FGGY: variants seen among roughly 807,000 people sequenced by gnomAD.
The protein encoded by FGGY is FGGY carbohydrate kinase domain containing.
Under a neutral mutation model 71.3 loss-of-function variants are expected in FGGY, and 72 were observed. The ratio of observed to expected loss-of-function variants is 1.01; its 90% CI spans 0.84 to 1.23. The LOEUF is 1.23. Ranked by LOEUF, FGGY falls within the 50% of genes most tolerant of loss-of-function variation. The pLI is 0.00. For synonymous variants in FGGY, 251 were observed against 250.3 expected, an observed-to-expected ratio of 1.00 and a Z score of -0.02; for missense variants, 668 against 682.3, an observed-to-expected ratio of 0.98 and a Z score of 0.23.
intron 13 of FGGY, among the ~76,000 whole-genome samples, chr1:59,672,328 G>A (rs1054764014): frequency 2.0e-5 from 3 of 152,206 alleles, no homozygotes; most frequent in African/African-American, 7.2e-5. Flanking sequence ...TTTCTCCAGG[G>A]CTTACTGTAG....
At chr1:59,660,507 G>C (rs1476135174) in intron 12 of FGGY, 1 of 399,402 alleles carries the variant, frequency 2.5e-6, no homozygotes, top group Non-Finnish European at 4.5e-6. Flanking sequence ...AAGCTGAAAG[G>C]AGTTAAAATC....
chr1:59,435,574 C>T (rs1332233591), intron 5 of FGGY, among the ~76,000 whole-genome samples: 1 of 152,142 alleles, frequency 6.6e-6, no homozygotes, highest in East Asian at 1.9e-4. Flanking sequence ...TGCAGCCACT[C>T]TCCCCTTTGC....
intron 6 of FGGY, among the ~76,000 whole-genome samples, chr1:59,510,938 A>G (rs1302760142): frequency 6.6e-6 from 1 of 152,228 alleles, no homozygotes; most frequent in African/African-American, 2.4e-5. Context: ...ATTTAATATC[A>G]GTTTTTAAGT....
chr1:59,757,522 AT>A (rs1191027080), intron 14 of FGGY, among the ~76,000 whole-genome samples: 1 of 152,144 alleles, frequency 6.6e-6, no homozygotes, highest in African/African-American at 2.4e-5. Context: ...CCATTCCGTG[AT>A]TGCTATCTTT....
intron 14 of FGGY, among the ~76,000 whole-genome samples, chr1:59,713,786 G>T (rs2097820222): frequency 1.3e-5 from 2 of 152,130 alleles, no homozygotes; most frequent in South Asian, 4.1e-4. Context: ...CCACATGTGG[G>T]GCTGGAACCT....
intron 2 of FGGY, among the ~76,000 whole-genome samples, chr1:59,327,319 A>G (rs985253132): frequency 5.3e-5 from 8 of 152,328 alleles, no homozygotes; most frequent in African/African-American, 1.9e-4. Flanking sequence ...TCATTTCAAC[A>G]TTGTTCATAT....
chr1:59,504,994 C>T (rs2094340130), intron 6 of FGGY, among the ~76,000 whole-genome samples: 1 of 152,102 alleles, frequency 6.6e-6, no homozygotes, highest in Admixed American at 6.5e-5. Context: ...GAACTATTCT[C>T]TGTCTAGTGG....
chr1:59,692,026 C>T (rs1396594358), intron 14 of FGGY, among the ~76,000 whole-genome samples: 1 of 152,016 alleles, frequency 6.6e-6, no homozygotes, highest in African/African-American at 2.4e-5. Flanking sequence ...CAAGGTACAA[C>T]GATAAGAAAA....
At chr1:59,458,285 T>A (rs1323084976) in intron 6 of FGGY, among the ~76,000 whole-genome samples, 1 of 152,224 alleles carries the variant, frequency 6.6e-6, no homozygotes, top group Non-Finnish European at 1.5e-5. Context: ...CTCACTAGAC[T>A]GTGAGCTGTT....
rs113774887 is a variant in FGGY, at chr1:59,311,198, G to A, written c.-14-10338G>A. Reference sequence around the variant, plus strand: ...AGTGTGGAAAGCCAAGTCATTTCAGGGATGGTAGAAAGAGTTCAGCTCTGG... The same window carrying A: ...AGTGTGGAAAGCCAAGTCATTTCAGAGATGGTAGAAAGAGTTCAGCTCTGG... On this transcript the variant is annotated intron_variant, in intron 1 of 15. Coordinates refer to ENST00000303721, the MANE Select transcript of FGGY (RefSeq NM_018291.5). 2.2e-3 allele frequency among the ~76,000 whole-genome samples: 334 copies of A among 152,112 alleles called. 1 individual carries two copies. Among genetic ancestry groups the A allele is most frequent in the African/African-American group, 7.8e-3 (323 of 41,496 alleles).
At chr1:59,412,340 A>G (rs1467597649) in intron 5 of FGGY, among the ~76,000 whole-genome samples, 1 of 152,140 alleles carries the variant, frequency 6.6e-6, no homozygotes, top group Non-Finnish European at 1.5e-5. Context: ...GTTCTGAGAT[A>G]CAGTTCATGT....
intron 8 of FGGY, among the ~76,000 whole-genome samples, chr1:59,568,559 G>A (rs74523843): frequency 0.015 from 2,336 of 152,134 alleles, 68 homozygotes; most frequent in African/African-American, 0.054. Context: ...AGGTAGAGCT[G>A]AGGTTGAACC....
intron 14 of FGGY, chr1:59,755,386 C>T (rs1260302725): frequency 1.3e-5 from 2 of 152,146 alleles, no homozygotes; most frequent in African/African-American, 4.8e-5. Context: ...AAGGCGCTCA[C>T]AGTCTAGTTG....
Position 59,608,434 on chromosome 1 carries a change from T to C in FGGY, c.1011+524T>C, listed in dbSNP as rs2153817585. Among the ~76,000 whole-genome samples the C allele has an allele frequency of 2.6e-5, 4 of 152,278 alleles. No individual in the cohort carries two copies. The Middle Eastern group carries it at 0.01, about 388-fold the overall frequency. The stretch of plus-strand genomic sequence containing the variant: ...CCTGCTTGGGGAGTTCTTTACCACC[T>C]CAATAATTTTACTTGTCCTTTAAGA... On this transcript the variant is annotated intron_variant, in intron 9 of 15. Coordinates refer to ENST00000303721, the MANE Select transcript of FGGY (RefSeq NM_018291.5).
chr1:59,734,127 C>T (rs2098076693), intron 14 of FGGY, among the ~76,000 whole-genome samples: 1 of 152,210 alleles, frequency 6.6e-6, no homozygotes, highest in Non-Finnish European at 1.5e-5. Flanking sequence ...TTTCTCATTC[C>T]TCAAGTATCA....
At chr1:59,378,125 A>G (rs28733385) in intron 4 of FGGY, among the ~76,000 whole-genome samples, 15,367 of 152,062 alleles carry the variant, frequency 0.1, 812 homozygotes, top group African/African-American at 0.13. Flanking sequence ...TCACTGGGAA[A>G]ATGGATTGCA....
At chr1:59,696,324 A>T (rs1272367124) in intron 14 of FGGY, among the ~76,000 whole-genome samples, 1 of 152,182 alleles carries the variant, frequency 6.6e-6, no homozygotes, top group Non-Finnish European at 1.5e-5. Context: ...TTTCATGAAC[A>T]TTTTTCCCTA....
At chr1:59,591,023 T>C (rs915244229) in intron 8 of FGGY, among the ~76,000 whole-genome samples, 3 of 152,190 alleles carry the variant, frequency 2.0e-5, no homozygotes, top group Non-Finnish European at 4.4e-5. Flanking sequence ...ATGACGTGAT[T>C]GTATATCTAG....
intron 11 of FGGY, chr1:59,641,436 C>A (rs2097026146): frequency 2.7e-6 from 3 of 1,117,216 alleles, no homozygotes; most frequent in East Asian, 4.8e-5. Flanking sequence ...TGTGCTAAAC[C>A]CAGGTAATAC....
Sources: allele counts gnomAD v4.1 joint callset (sites outside exome capture counted in the v4.1 genomes callset), GRCh38; gene constraint gnomAD v4.1.1; transcripts MANE v1.5; gene names NCBI Gene and HGNC (gene_info 2026-07-23, HGNC 2026-07-21).